Variants in SYT1 observed in about 807,000 individuals in gnomAD.
SYT1 encodes the protein synaptotagmin-1.
SYT1 carries 8 observed loss-of-function variants against 44.8 expected under a neutral mutation model. That is an observed-to-expected ratio of 0.18 (90% CI 0.10 to 0.32). The LOEUF is 0.32. Among genes scored for constraint, SYT1 ranks in the 10% least tolerant of loss-of-function variants. The pLI is 1.00. For missense variants in SYT1, 286 were observed against 509.3 expected (o/e 0.56, Z 4.22); for synonymous variants, 154 against 188.8 (o/e 0.82, Z 1.51).
chr12:79,092,770 A>G (rs1388663638), intron 3 of SYT1, among the ~76,000 whole-genome samples: 1 of 151,714 alleles, frequency 6.6e-6, no homozygotes, highest in Non-Finnish European at 1.5e-5. Flanking sequence ...TCATTGAAGA[A>G]AAGCAATTTG....
chr12:78,997,713 T>C (rs1299723732), intron 2 of SYT1, among the ~76,000 whole-genome samples: 1 of 151,768 alleles, frequency 6.6e-6, no homozygotes, highest in Non-Finnish European at 1.5e-5. Flanking sequence ...CAGTGGAGTT[T>C]GGATGAGATG....
chr12:79,407,962 G>A (rs1327800848), intron 9 of SYT1, among the ~76,000 whole-genome samples: 1 of 152,020 alleles, frequency 6.6e-6, no homozygotes, highest in Non-Finnish European at 1.5e-5. Flanking sequence ...TTCTAACACT[G>A]ACCACCACCA....
chr12:79,415,616 T>C (rs1868687252), intron 9 of SYT1, among the ~76,000 whole-genome samples: 1 of 152,170 alleles, frequency 6.6e-6, no homozygotes, highest in Admixed American at 6.6e-5. Flanking sequence ...TCCCCAACAG[T>C]AGACATGCAG....
intron 4 of SYT1, among the ~76,000 whole-genome samples, chr12:79,270,481 C>T (rs1227426006): frequency 6.6e-6 from 1 of 152,096 alleles, no homozygotes; most frequent in African/African-American, 2.4e-5. Context: ...GCTGAAATAT[C>T]TGGGACTGTT....
At chr12:79,200,284 C>A (rs533051770) in intron 3 of SYT1, among the ~76,000 whole-genome samples, 55 of 152,184 alleles carry the variant, frequency 3.6e-4, no homozygotes, top group African/African-American at 1.3e-3. Context: ...GAGAGAGGAG[C>A]CATTTTCCCC....
At chr12:79,284,123 T>C (rs1431487900) in intron 4 of SYT1, among the ~76,000 whole-genome samples, 1 of 151,894 alleles carries the variant, frequency 6.6e-6, no homozygotes. Context: ...AACAGACAAA[T>C]CTAATTACTT....
intron 9 of SYT1, among the ~76,000 whole-genome samples, chr12:79,403,563 T>A (rs1885143783): frequency 6.6e-6 from 1 of 152,124 alleles, no homozygotes; most frequent in African/African-American, 2.4e-5. Context: ...TCTGGGGTGC[T>A]AAGGGTTACA....
chr12:78,943,920 C>A (rs1255241238), intron 1 of SYT1, among the ~76,000 whole-genome samples: 1 of 152,186 alleles, frequency 6.6e-6, no homozygotes, highest in Non-Finnish European at 1.5e-5. Flanking sequence ...GAACCTCATA[C>A]TAAGTCAGAA....
chr12:79,283,619 A>T (rs1267959326), intron 4 of SYT1, among the ~76,000 whole-genome samples: 1 of 152,166 alleles, frequency 6.6e-6, no homozygotes, highest in African/African-American at 2.4e-5. Flanking sequence ...CAATGAATAC[A>T]TACACTCTCT....
At chr12:79,001,088 T>G (rs907706897) in intron 2 of SYT1, among the ~76,000 whole-genome samples, 4 of 152,174 alleles carry the variant, frequency 2.6e-5, no homozygotes. Flanking sequence ...TATACTATTC[T>G]AGTGTAAAAA....
intron 3 of SYT1, among the ~76,000 whole-genome samples, chr12:79,155,439 T>G (rs925298892): frequency 2.0e-5 from 3 of 152,202 alleles, no homozygotes; most frequent in African/African-American, 7.2e-5. Context: ...AATCATTGTC[T>G]CTGAGGCATT....
At chr12:78,996,017 A>T (rs965844742) in intron 2 of SYT1, among the ~76,000 whole-genome samples, 9 of 152,212 alleles carry the variant, frequency 5.9e-5, no homozygotes, top group Non-Finnish European at 1.3e-4. Context: ...TTTCTGAACC[A>T]AACTTATTGT....
intron 3 of SYT1, among the ~76,000 whole-genome samples, chr12:79,212,825 T>C (rs1190357608): frequency 3.3e-5 from 5 of 152,224 alleles, no homozygotes; most frequent in African/African-American, 9.6e-5. Flanking sequence ...AGAAGGAACC[T>C]TGGATCAGGC....
chr12:79,446,976 G>A (rs1870770195), intron 10 of SYT1, among the ~76,000 whole-genome samples: 1 of 152,092 alleles, frequency 6.6e-6, no homozygotes, highest in Non-Finnish European at 1.5e-5. Flanking sequence ...ACAATTCTAT[G>A]CCTTTAAAAT....
chr12:78,992,477 T>C (rs1055932392), intron 2 of SYT1, among the ~76,000 whole-genome samples: 14 of 152,194 alleles, frequency 9.2e-5, no homozygotes, highest in African/African-American at 2.9e-4. Flanking sequence ...TAGAAAAAAA[T>C]AAAGGATGTA....
chr12:78,920,357 G>A (rs553108591), intron 1 of SYT1, among the ~76,000 whole-genome samples: 34 of 151,948 alleles, frequency 2.2e-4, no homozygotes, highest in African/African-American at 7.5e-4. Flanking sequence ...CTAATAGATC[G>A]CATTCAACAA....
chr12:79,317,943 AG>A (rs1309194289), intron 8 of SYT1, among the ~76,000 whole-genome samples: 1 of 152,186 alleles, frequency 6.6e-6, no homozygotes, highest in African/African-American at 2.4e-5. Context: ...AATGTCAGCA[AG>A]GGTTGTAAAA....
At chr12:79,196,925 T>C (rs2138476694) in intron 3 of SYT1, among the ~76,000 whole-genome samples, 1 of 152,366 alleles carries the variant, frequency 6.6e-6, no homozygotes, top group South Asian at 2.1e-4. Context: ...TTGATGCTGC[T>C]CTTCTGCAGA....
intron 3 of SYT1, among the ~76,000 whole-genome samples, chr12:79,087,773 A>G (rs561738668): frequency 6.6e-6 from 1 of 152,304 alleles, no homozygotes; most frequent in South Asian, 2.1e-4. Context: ...GCTCAGGTAT[A>G]GTAATTTGTT....
Sources: gnomAD v4.1 joint callset for allele counts (sites outside exome capture counted in the v4.1 genomes callset) on GRCh38, gnomAD v4.1.1 for gene constraint, MANE v1.5 for transcripts, NCBI Gene and HGNC (gene_info 2026-07-23, HGNC 2026-07-21) for gene names.